Variants in MCM9 observed in about 807,000 individuals in gnomAD.
The protein encoded by MCM9 is minichromosome maintenance 9 homologous recombination repair factor, also known as DNA helicase MCM9.
MCM9 carries 55 observed loss-of-function variants against 72.8 expected under a neutral mutation model. The observed-to-expected ratio is 0.76, with a 90% CI of 0.61 to 0.95. The LOEUF (loss-of-function observed/expected upper bound fraction) is 0.95, where lower values mean the gene tolerates loss of function less well. Among genes scored for constraint, MCM9 ranks in the 40% least tolerant of loss-of-function variants. MCM9 has a pLI of 0.00. For missense variants in MCM9, 1,279 were observed against 1,377.0 expected, an observed-to-expected ratio of 0.93 and a Z score of 1.13; for synonymous variants, 480 against 503.4, an observed-to-expected ratio of 0.95 and a Z score of 0.62.
rs750136757 is a variant in MCM9 at position 118,841,835 on chromosome 6, C to CTTT, written c.1326-12588_1326-12586dup. On this transcript the variant is annotated intron_variant, in intron 9 of 13. Coordinates refer to ENST00000619706, the MANE Select transcript of MCM9 (RefSeq NM_017696.3). The stretch of plus-strand genomic sequence containing the variant: ...CTGAGCAAAACAAGAGCTATCTTGC[C>CTTT]TTTTTTTTTTTTTTTTTGACACGGA... Among the ~76,000 whole-genome samples the CTTT allele has an allele frequency of 5.0e-3, 678 of 134,706 alleles. 9 individuals carry two copies. The highest frequency in any genetic ancestry group is 0.017 in the African/African-American group (617 of 36,578). 88.4% of individuals were successfully genotyped at this position (134,706 alleles called of 152,430 possible). A position where few individuals can be genotyped will look rare whatever the true frequency, so the allele number is the denominator to read the frequency against.
At chr6:118,894,104 G>A in intron 8 of MCM9, 1 of 1,152,272 alleles carries the variant, frequency 8.7e-7, no homozygotes, top group Non-Finnish European at 1.1e-6. Context: ...TCCGGGAGCG[G>A]GAGCCCATCT....
intron 8 of MCM9, among the ~76,000 whole-genome samples, chr6:118,886,713 A>G (rs1263323703): frequency 6.6e-6 from 1 of 152,190 alleles, no homozygotes; most frequent in Non-Finnish European, 1.5e-5. Flanking sequence ...CAGCACTTCA[A>G]GAGGCTGAAG....
intron 13 of MCM9, among the ~76,000 whole-genome samples, chr6:118,816,629 T>TC (rs1210435775): frequency 7.9e-5 from 12 of 152,204 alleles, no homozygotes; most frequent in African/African-American, 2.9e-4. Flanking sequence ...TCCTCAGCTT[T>TC]ATCTCTCATG....
intron 13 of MCM9, among the ~76,000 whole-genome samples, chr6:118,817,679 G>C (rs536435089): frequency 6.6e-6 from 1 of 152,130 alleles, no homozygotes; most frequent in South Asian, 2.1e-4. Context: ...GGTTCAAATG[G>C]TATTTCTGGT....
rs1437530907 is a variant in MCM9, at chr6:118,896,209, T to C, written c.1150+15441A>G. ...TCATTTGATTACTCTCCTATGATAC[T>C]ACTATTAATATAAGCATTGCAGCTA... is the stretch of plus-strand genomic sequence containing the variant. On this transcript the variant is annotated intron_variant, in intron 8 of 13. Transcript: ENST00000619706. 8.5e-5 allele frequency among the ~76,000 whole-genome samples: 13 copies of C among 152,296 alleles called. No homozygotes were observed. The South Asian group carries it at 1.9e-3, about 22-fold the overall frequency.
intron 8 of MCM9, among the ~76,000 whole-genome samples, chr6:118,872,393 C>T (rs1777661208): frequency 6.6e-6 from 1 of 151,154 alleles, no homozygotes; most frequent in Admixed American, 6.6e-5. Context: ...CAAAACAGTT[C>T]TAAATAACAC....
chr6:118,847,422 C>CAAAAAAAAAAAAAA (rs368957444), intron 9 of MCM9, among the ~76,000 whole-genome samples: 1 of 113,886 alleles, frequency 8.8e-6, no homozygotes, highest in Non-Finnish European at 1.7e-5. Context: ...CATGAATCTT[C>CAAAAAAAAAAAAAA]AAAAAAAAAA....
chr6:118,920,982 G>A (rs997895251), intron 5 of MCM9: 3 of 152,196 alleles, frequency 2.0e-5, no homozygotes, highest in African/African-American at 7.2e-5. Context: ...AGTTGACAGG[G>A]ACAAAGGAGA....
chr6:118,894,071 G>A (rs1049804233), intron 8 of MCM9: 3 of 1,080,248 alleles, frequency 2.8e-6, no homozygotes, highest in South Asian at 2.9e-5. Flanking sequence ...AGGTGGAGCC[G>A]CAGTTAAAGT....
In MCM9 at chr6:118,815,622, G is replaced by T. The variant is rs974493124; in HGVS notation, c.2634C>A (p.Ser878=). The change falls in exon 14 of 14, where the codon TCC becomes TCA. Residue 878 remains serine, a synonymous_variant. Transcript: ENST00000619706. ...TTCTGTCTGGGCTATGTACAGGAGTGGACTGAGGATGGGAAGGGACTGTGC... is the reference window on the plus strand; with the variant it reads ...TTCTGTCTGGGCTATGTACAGGAGTTGACTGAGGATGGGAAGGGACTGTGC... ...AQCTVPSHPQ[S]TPVHSPDRML... The T allele has an allele frequency of 2.6e-6, 4 of 1,550,352 alleles. No homozygotes were observed. In the African/African-American group the frequency reaches 5.5e-5, roughly 21 times the overall value.
At chr6:118,903,326 G>T (rs1779934157) in intron 8 of MCM9, among the ~76,000 whole-genome samples, 1 of 152,096 alleles carries the variant, frequency 6.6e-6, no homozygotes, top group South Asian at 2.1e-4. Flanking sequence ...ATATTCTCCA[G>T]GACAAGGCTG....
chr6:118,854,251 A>C (rs1305850762), intron 9 of MCM9, among the ~76,000 whole-genome samples: 8 of 152,168 alleles, frequency 5.3e-5, no homozygotes, highest in Non-Finnish European at 1.0e-4. Flanking sequence ...TTCTAGTACA[A>C]TATTGACCAG....
intron 8 of MCM9, among the ~76,000 whole-genome samples, chr6:118,882,804 C>T (rs1778374408): frequency 6.6e-6 from 1 of 151,804 alleles, no homozygotes; most frequent in Non-Finnish European, 1.5e-5. Context: ...TGAACCTAGC[C>T]AAGTTACTAA....
intron 9 of MCM9, among the ~76,000 whole-genome samples, chr6:118,837,973 CA>C (rs1172528317): frequency 6.6e-6 from 1 of 152,048 alleles, no homozygotes; most frequent in African/African-American, 2.4e-5. Flanking sequence ...TTTACAATTT[CA>C]AATGTTTTTG....
chr6:118,823,821 A>AAT (rs1773978490), intron 13 of MCM9, among the ~76,000 whole-genome samples: 1 of 151,792 alleles, frequency 6.6e-6, no homozygotes, highest in Non-Finnish European at 1.5e-5. Context: ...AATATATTTA[A>AAT]ATACATTAAA....
chr6:118,917,266 A>C (rs953266453), intron 6 of MCM9, among the ~76,000 whole-genome samples: 1 of 152,210 alleles, frequency 6.6e-6, no homozygotes, highest in African/African-American at 2.4e-5. Context: ...TTGCCTTTTT[A>C]AAGAACTATA....
Position 118,913,280 on chromosome 6 carries a change from T to C in MCM9, c.1030+15A>G. 6.2e-7 allele frequency: 1 copy of C among 1,612,164 alleles called. No individual in the cohort carries two copies. Among genetic ancestry groups the C allele is most frequent in the Non-Finnish European group, 8.5e-7 (1 of 1,179,444 alleles). On this transcript the variant is annotated intron_variant, in intron 7 of 13. Transcript: ENST00000619706. ...ATGTGTCAATATTACTCAAAATTTC[T>C]AAATAGGTACTAACCTCTGACCCGT...
intron 8 of MCM9, among the ~76,000 whole-genome samples, chr6:118,893,065 A>G (rs934902284): frequency 6.6e-6 from 1 of 152,222 alleles, no homozygotes; most frequent in African/African-American, 2.4e-5. Context: ...GAAAAAAATG[A>G]TGGTTTATGG....
intron 8 of MCM9, among the ~76,000 whole-genome samples, chr6:118,865,088 A>G (rs572369042): frequency 6.6e-6 from 1 of 152,306 alleles, no homozygotes; most frequent in East Asian, 1.9e-4. Flanking sequence ...CTCTCATGGA[A>G]GAGAGTCTGA....
Sources: allele counts gnomAD v4.1 joint callset (sites outside exome capture counted in the v4.1 genomes callset), GRCh38; gene constraint gnomAD v4.1.1; transcripts MANE v1.5; gene names NCBI Gene and HGNC (gene_info 2026-07-23, HGNC 2026-07-21).